Variants in PPARGC1A observed in about 807,000 individuals in gnomAD.
The protein encoded by PPARGC1A is peroxisome proliferator-activated receptor gamma coactivator 1-alpha.
In PPARGC1A, 25 loss-of-function variants were observed where a neutral mutation model predicts 88.7. The observed-to-expected ratio is 0.28, with a 90% CI of 0.21 to 0.39. PPARGC1A has a LOEUF of 0.39. PPARGC1A is among the 10% of genes least tolerant of loss of function. The pLI is 1.00. For missense variants in PPARGC1A, 880 were observed against 968.7 expected, an observed-to-expected ratio of 0.91 and a Z score of 1.22; for synonymous variants, 363 against 355.6, an observed-to-expected ratio of 1.02 and a Z score of -0.24.
chr4:24,122,424 T>TGC, the PPARGC1A span, among the ~76,000 whole-genome samples: 113 of 138,552 alleles, frequency 8.2e-4, no homozygotes, highest in African/African-American at 2.7e-3. Flanking sequence ...TGCATATATA[T>TGC]ATATATATAT....
At chr4:24,165,548 G>A in the PPARGC1A span, among the ~76,000 whole-genome samples, 4 of 152,134 alleles carry the variant, frequency 2.6e-5, no homozygotes, top group Admixed American at 6.5e-5. Context: ...TGGCAACACT[G>A]CAATGAGCAA....
the PPARGC1A span, among the ~76,000 whole-genome samples, chr4:24,123,914 AAAAAAAAAAAAC>A: frequency 1.3e-5 from 2 of 151,330 alleles, no homozygotes; most frequent in Admixed American, 1.3e-4. Context: ...AGTTGGCAAA[AAAAAAAAAAAAC>A]AAAAAAAACA....
At chr4:24,221,494 A>G in the PPARGC1A span, among the ~76,000 whole-genome samples, 3 of 152,224 alleles carry the variant, frequency 2.0e-5, no homozygotes, top group Admixed American at 1.3e-4. Context: ...TAGTCATTCA[A>G]CTGAATTAAC....
chr4:24,365,532 T>C, the PPARGC1A span, among the ~76,000 whole-genome samples: 1 of 152,180 alleles, frequency 6.6e-6, no homozygotes, highest in East Asian at 1.9e-4. Context: ...ATTTCCTGTA[T>C]CTTGTATATT....
chr4:23,970,213 A>C, the PPARGC1A span, among the ~76,000 whole-genome samples: 1 of 152,190 alleles, frequency 6.6e-6, no homozygotes, highest in South Asian at 2.1e-4. Flanking sequence ...GATCACCATA[A>C]ATTTCAACTC....
the PPARGC1A span, among the ~76,000 whole-genome samples, chr4:24,200,874 T>G: frequency 6.6e-6 from 1 of 152,194 alleles, no homozygotes; most frequent in Non-Finnish European, 1.5e-5. Flanking sequence ...ACCTCATTTG[T>G]ATTGAAGTGA....
At chr4:24,428,666 C>A in the PPARGC1A span, among the ~76,000 whole-genome samples, 1 of 152,172 alleles carries the variant, frequency 6.6e-6, no homozygotes, top group Non-Finnish European at 1.5e-5. Flanking sequence ...GGTCTTGTTG[C>A]AAGGAGTGGC....
chr4:23,946,964 A>T, the PPARGC1A span, among the ~76,000 whole-genome samples: 835 of 152,244 alleles, frequency 5.5e-3, 3 homozygotes, highest in Middle Eastern at 0.044. Context: ...GAGCCCAATC[A>T]TGCACTATCT....
chr4:24,189,409 A>T, the PPARGC1A span, among the ~76,000 whole-genome samples: 1 of 152,136 alleles, frequency 6.6e-6, no homozygotes, highest in African/African-American at 2.4e-5. Flanking sequence ...CACTCTGCGC[A>T]TGTAAACATA....
chr4:24,338,646 A>G, the PPARGC1A span, among the ~76,000 whole-genome samples: 1 of 152,092 alleles, frequency 6.6e-6, no homozygotes, highest in Admixed American at 6.5e-5. Flanking sequence ...CCAAATTCCA[A>G]CCTCAACTAT....
the PPARGC1A span, among the ~76,000 whole-genome samples, chr4:23,913,447 C>T: frequency 2.6e-5 from 4 of 151,876 alleles, no homozygotes; most frequent in Admixed American, 2.6e-4. Flanking sequence ...CAACCACACT[C>T]CCACATAGTA....
rs7682765 is a variant in PPARGC1A at position 23,801,584 on chromosome 4, T to C, written c.2293+146A>G. 0.061 allele frequency: 55,452 copies of C among 915,114 alleles called. 2,422 individuals carry two copies. Among genetic ancestry groups the C allele is most frequent in the Non-Finnish European group, 0.069 (42,092 of 612,218 alleles). The allele number at this position is 915,114 out of a possible 1,614,324, so 56.7% of individuals were successfully genotyped here. A position where few individuals can be genotyped will look rare whatever the true frequency, so the allele number is the denominator to read the frequency against. ...GCCCCTTTCTTCTGAAACTGTCTTA[T>C]ACGTTTTTCTTAAAAATCTGTATTC... On this transcript the variant is annotated intron_variant, in intron 12 of 12. Coordinates refer to ENST00000264867, the MANE Select transcript of PPARGC1A (RefSeq NM_013261.5).
the PPARGC1A span, among the ~76,000 whole-genome samples, chr4:24,423,549 G>A: frequency 6.6e-6 from 1 of 151,196 alleles, no homozygotes; most frequent in Non-Finnish European, 1.5e-5. Context: ...GTGTTGGGGG[G>A]CTGGGGGGGT....
the PPARGC1A span, among the ~76,000 whole-genome samples, chr4:24,337,858 CTT>C: frequency 6.6e-6 from 1 of 152,188 alleles, no homozygotes; most frequent in African/African-American, 2.4e-5. Flanking sequence ...TCCCCCAAGA[CTT>C]GAGCTCCGAC....
the PPARGC1A span, among the ~76,000 whole-genome samples, chr4:24,064,589 A>G: frequency 2.6e-5 from 4 of 152,088 alleles, no homozygotes; most frequent in Non-Finnish European, 5.9e-5. Context: ...AGCTGCTCAT[A>G]TAAAGACACA....
chr4:24,217,907 T>C, the PPARGC1A span, among the ~76,000 whole-genome samples: 1 of 152,228 alleles, frequency 6.6e-6, no homozygotes, highest in African/African-American at 2.4e-5. Flanking sequence ...CCCCGATTTT[T>C]AGCTAAGGTG....
chr4:24,355,711 C>T, the PPARGC1A span, among the ~76,000 whole-genome samples: 1 of 152,072 alleles, frequency 6.6e-6, no homozygotes, highest in Admixed American at 6.5e-5. Flanking sequence ...AAAGTGCCAG[C>T]ACACACCAGT....
the PPARGC1A span, among the ~76,000 whole-genome samples, chr4:23,924,461 A>G: frequency 1.3e-5 from 2 of 152,108 alleles, no homozygotes; most frequent in Non-Finnish European, 2.9e-5. Flanking sequence ...CCCCATCTCT[A>G]CTAAAAATAC....
At chr4:24,297,949 A>G in the PPARGC1A span, among the ~76,000 whole-genome samples, 1 of 152,222 alleles carries the variant, frequency 6.6e-6, no homozygotes, top group Non-Finnish European at 1.5e-5. Context: ...ATAAGAGGAC[A>G]TGTGGTAGCC....
Sources: allele counts gnomAD v4.1 joint callset (sites outside exome capture counted in the v4.1 genomes callset), GRCh38; gene constraint gnomAD v4.1.1; transcripts MANE v1.5; gene names NCBI Gene and HGNC (gene_info 2026-07-23, HGNC 2026-07-21).